The following ZBTB7C variants were observed in gnomAD, a reference collection of about 807,000 sequenced individuals.
The protein encoded by ZBTB7C is zinc finger and BTB domain containing 7C.
A neutral mutation model predicts 25.7 loss-of-function variants in ZBTB7C; 8 were observed. That is an observed-to-expected ratio of 0.31 (90% CI 0.18 to 0.56). The LOEUF (loss-of-function observed/expected upper bound fraction) is 0.56, where lower values mean the gene tolerates loss of function less well. Ranked by LOEUF, ZBTB7C falls within the 20% of genes least tolerant of loss-of-function variation. ZBTB7C has a pLI of 0.91. For synonymous variants in ZBTB7C, 394 were observed against 369.0 expected, an observed-to-expected ratio of 1.07 and a Z score of -0.78; for missense variants, 824 against 855.2, an observed-to-expected ratio of 0.96 and a Z score of 0.46.
At chr18:48,112,184 T>C (rs2039265039) in intron 3 of ZBTB7C, among the ~76,000 whole-genome samples, 1 of 152,076 alleles carries the variant, frequency 6.6e-6, no homozygotes, top group African/African-American at 2.4e-5. Context: ...AAAATATATG[T>C]TCATAGAAAA....
Position 48,040,043 on chromosome 18 carries a change from CT to C in ZBTB7C, c.1064del (p.Glu355GlyfsTer4). The C allele has an allele frequency of 6.2e-7, 1 of 1,614,136 alleles. No homozygotes were observed. ...GLFPPWPLVE[E>X]RKLKPKASQQ... ...GAGAGGCCTTGGGCTTCAGCTTGCG[CT>C]CTTCTACCAGGGGCCAGGGTGGGAA... On this transcript the variant is annotated frameshift_variant, in exon 4 of 5. Coordinates refer to ENST00000590800, the MANE Select transcript of ZBTB7C (RefSeq NM_001318841.2). LOFTEE classifies it high-confidence loss of function.
chr18:48,326,220 C>T (rs576417501), intron 2 of ZBTB7C, among the ~76,000 whole-genome samples: 5 of 151,538 alleles, frequency 3.3e-5, no homozygotes, highest in Admixed American at 6.6e-5. Flanking sequence ...CTCAGCCTCT[C>T]GAGTAGCTGG....
chr18:48,290,559 T>C (rs1048999235), intron 2 of ZBTB7C, among the ~76,000 whole-genome samples: 1 of 152,190 alleles, frequency 6.6e-6, no homozygotes, highest in Non-Finnish European at 1.5e-5. Flanking sequence ...TCCCCTGTGG[T>C]GTTTTTGAGG....
At chr18:48,270,709 T>A (rs7506831) in intron 2 of ZBTB7C, among the ~76,000 whole-genome samples, 89,836 of 146,014 alleles carry the variant, frequency 0.62, 30,372 homozygotes, top group Non-Finnish European at 0.78. Context: ...AAAAAAAAAA[T>A]TTTTATATTT....
At chr18:48,042,683 G>A (rs1325443341) in intron 3 of ZBTB7C, among the ~76,000 whole-genome samples, 1 of 152,186 alleles carries the variant, frequency 6.6e-6, no homozygotes, top group Admixed American at 6.5e-5. Flanking sequence ...CGTTCCCTAA[G>A]CAATCCCACT....
chr18:48,105,094 T>C (rs2038982872), intron 3 of ZBTB7C, among the ~76,000 whole-genome samples: 1 of 152,332 alleles, frequency 6.6e-6, no homozygotes, highest in African/African-American at 2.4e-5. Flanking sequence ...CCAGAGTGTT[T>C]GCAAAGGATG....
chr18:48,187,217 C>T (rs1220441403), intron 2 of ZBTB7C, among the ~76,000 whole-genome samples: 1 of 152,230 alleles, frequency 6.6e-6, no homozygotes, highest in East Asian at 1.9e-4. Context: ...TTTTAAAAAG[C>T]TCAATCCTCC....
intron 1 of ZBTB7C, among the ~76,000 whole-genome samples, chr18:48,369,772 G>A (rs2047342532): frequency 6.6e-6 from 1 of 152,072 alleles, no homozygotes; most frequent in Admixed American, 6.5e-5. Context: ...GAACTAAAAA[G>A]AGAAATCCAC....
At chr18:48,305,860 G>A (rs935250152) in intron 2 of ZBTB7C, among the ~76,000 whole-genome samples, 1 of 152,186 alleles carries the variant, frequency 6.6e-6, no homozygotes, top group Non-Finnish European at 1.5e-5. Flanking sequence ...AGCCCCAAGG[G>A]TGGCATGTCC....
intron 2 of ZBTB7C, among the ~76,000 whole-genome samples, chr18:48,328,303 T>C (rs561655870): frequency 6.6e-6 from 1 of 152,118 alleles, no homozygotes; most frequent in East Asian, 1.9e-4. Flanking sequence ...AGTAGAGATA[T>C]AGACAGTGAC....
Position 48,040,207 on chromosome 18 carries a change from G to A in ZBTB7C, c.901C>T (p.Pro301Ser). Reference protein sequence around the residue: ...EEEKEELPPPPPPPFPNDFFK... With the variant: ...EEEKEELPPPSPPPFPNDFFK... ...AAGTCATTAGGGAAGGGTGGCGGTG[G>A]GGGTGGGGGCAGCTCCTCCTTCTCC... Residue 301 changes from proline (P) to serine (S), a missense_variant, in exon 4 of 5, where the codon CCA becomes TCA. This residue lies in a region of ZBTB7C where 316 missense variants were observed against 299.2 expected (regional missense o/e 1.06). Coordinates refer to ENST00000590800, the MANE Select transcript of ZBTB7C (RefSeq NM_001318841.2). 3.2e-6 allele frequency: 5 copies of A among 1,571,540 alleles called. No individual in the cohort carries two copies. The highest frequency in any genetic ancestry group is 4.3e-6 in the Non-Finnish European group (5 of 1,160,962).
upstream of ZBTB7C, among the ~76,000 whole-genome samples, chr18:48,409,743 G>A (rs1390812094): frequency 1.3e-5 from 2 of 149,926 alleles, no homozygotes; most frequent in African/African-American, 5.0e-5. Flanking sequence ...GAGGCGGAGT[G>A]GGGGGGCCGG....
At chr18:48,067,869 C>T (rs910593038) in intron 3 of ZBTB7C, among the ~76,000 whole-genome samples, 10 of 152,072 alleles carry the variant, frequency 6.6e-5, no homozygotes, top group East Asian at 1.9e-4. Flanking sequence ...GGCATGGTGG[C>T]GCATGCCTGT....
chr18:48,274,820 G>A lies in ZBTB7C; in HGVS notation c.-79+63354C>T, dbSNP rs555738233. Among the ~76,000 whole-genome samples the A allele has an allele frequency of 6.0e-4, 92 of 152,360 alleles. 1 individual carries two copies. Among genetic ancestry groups the A allele is most frequent in the Middle Eastern group, 3.4e-3 (1 of 294 alleles). ...GCAAAGGGCAGGAGGCTGATCTGCA[G>A]GCCAGGGCCCTGGCTCTCATGTCGG... On this transcript the variant is annotated intron_variant, in intron 2 of 4. Coordinates refer to ENST00000590800, the MANE Select transcript of ZBTB7C (RefSeq NM_001318841.2).
intron 2 of ZBTB7C, among the ~76,000 whole-genome samples, chr18:48,319,112 CTGTGTGTG>C (rs143825394): frequency 1.4e-5 from 2 of 147,366 alleles, no homozygotes; most frequent in Non-Finnish European, 3.0e-5. Context: ...CAGAATGCCT[CTGTGTGTG>C]TGTGTGTGTG....
At chr18:48,244,288 G>A (rs2043615117) in intron 2 of ZBTB7C, among the ~76,000 whole-genome samples, 1 of 152,150 alleles carries the variant, frequency 6.6e-6, no homozygotes, top group Non-Finnish European at 1.5e-5. Context: ...GGTGGCAGGT[G>A]CCTGTAGTCC....
At chr18:48,201,128 A>G (rs1206860733) in intron 2 of ZBTB7C, among the ~76,000 whole-genome samples, 3 of 152,188 alleles carry the variant, frequency 2.0e-5, no homozygotes, top group African/African-American at 7.2e-5. Flanking sequence ...GTACAAAGTC[A>G]TTTTTGTAAA....
chr18:48,344,607 G>A (rs1326868654), intron 1 of ZBTB7C, among the ~76,000 whole-genome samples: 3 of 152,206 alleles, frequency 2.0e-5, no homozygotes, highest in Non-Finnish European at 2.9e-5. Flanking sequence ...TGGAGATCAA[G>A]TGTGGATTCA....
At chr18:48,274,236 G>A (rs562478729) in intron 2 of ZBTB7C, among the ~76,000 whole-genome samples, 10 of 152,228 alleles carry the variant, frequency 6.6e-5, no homozygotes, top group Admixed American at 5.2e-4. Context: ...GTAGGTCTTC[G>A]GTATAAATGT....
Sources: allele counts gnomAD v4.1 joint callset (sites outside exome capture counted in the v4.1 genomes callset), GRCh38; gene constraint gnomAD v4.1.1; regional missense constraint gnomAD v4.1.1; transcripts MANE v1.5; gene names NCBI Gene and HGNC (gene_info 2026-07-23, HGNC 2026-07-21).